The following PIEZO2 variants were observed in gnomAD, a reference collection of about 807,000 sequenced individuals.
PIEZO2 encodes piezo type mechanosensitive ion channel component 2.
PIEZO2 carries 172 observed loss-of-function variants against 337.3 expected under a neutral mutation model. The ratio of observed to expected loss-of-function variants is 0.51; its 90% CI spans 0.45 to 0.58. PIEZO2 has a LOEUF of 0.58. PIEZO2 is among the 20% of genes least tolerant of loss of function. The pLI, the probability that PIEZO2 is intolerant of heterozygous loss-of-function variation, is 0.00. For missense variants in PIEZO2, 3,028 were observed against 3,391.3 expected (o/e 0.89, Z 2.66); for synonymous variants, 1,251 against 1,228.5 (o/e 1.02, Z -0.38).
chr18:11,065,650 A>C (rs1452716566), intron 2 of PIEZO2, among the ~76,000 whole-genome samples: 1 of 152,220 alleles, frequency 6.6e-6, no homozygotes, highest in Non-Finnish European at 1.5e-5. Flanking sequence ...CATATTTAAG[A>C]AACCTCAACT....
chr18:10,794,891 T>C lies in PIEZO2; in HGVS notation c.1639A>G (p.Met547Val). 6.5e-7 allele frequency: 1 copy of C among 1,539,564 alleles called. No individual in the cohort carries two copies. ...AACAATAGGTTTCCATAAACCACCA[T>C]GAAGGGAGAGCTGATCATGGCATAT... ...RKYAMISSPF[M>V]VVYGNLLLIL... The change falls in exon 13 of 56, where the codon ATG becomes GTG. Residue 547 changes from methionine to valine, a missense_variant. Physicochemically the swap from Met to Val is conservative, Grantham distance 21. Around this residue, in one of 5 missense-constraint regions of PIEZO2, gnomAD observed 50 missense variants for 88.2 expected, o/e 0.57. Coordinates refer to ENST00000674853, the MANE Select transcript of PIEZO2 (RefSeq NM_001378183.1). This position sits in a 1 kb window ranked among gnomAD's most constrained non-coding sequence, Gnocchi z 6.6.
At chr18:11,040,673 A>C (rs1205862650) in intron 2 of PIEZO2, among the ~76,000 whole-genome samples, 1 of 152,118 alleles carries the variant, frequency 6.6e-6, no homozygotes, top group Non-Finnish European at 1.5e-5. Flanking sequence ...CTCTTTCTGA[A>C]ATCATTCCTC....
Position 11,099,893 on chromosome 18 carries a change from AGTT to A in PIEZO2, c.65-33674_65-33672del, listed in dbSNP as rs1278694286. ...GGTTATTTCTCTTTTATTCCAGCTG[AGTT>A]GTTATAATCTCTTATGTATCATAGA... On this transcript the variant is annotated intron_variant, in intron 1 of 55. Coordinates refer to ENST00000674853, the MANE Select transcript of PIEZO2 (RefSeq NM_001378183.1). This position sits in a 1 kb window ranked among gnomAD's most constrained non-coding sequence, Gnocchi z 5.4. Among the ~76,000 whole-genome samples the A allele has an allele frequency of 1.3e-5, 2 of 151,832 alleles. No individual in the cohort carries two copies. The highest frequency in any genetic ancestry group is 4.8e-5 in the African/African-American group (2 of 41,312).
At chr18:10,848,129 C>T (rs1455716429) in intron 7 of PIEZO2, among the ~76,000 whole-genome samples, 1 of 152,214 alleles carries the variant, frequency 6.6e-6, no homozygotes, top group Non-Finnish European at 1.5e-5. Flanking sequence ...ATTTCAATAA[C>T]CGGATTATGT....
At chr18:10,986,329 G>A (rs1327069228) in intron 2 of PIEZO2, among the ~76,000 whole-genome samples, 1 of 151,950 alleles carries the variant, frequency 6.6e-6, no homozygotes, top group African/African-American at 2.4e-5. Context: ...AGAGGTAACA[G>A]TCCTCAACAA....
At chr18:10,720,311 GTATA>G (rs1226439947) in intron 36 of PIEZO2, among the ~76,000 whole-genome samples, 3 of 119,638 alleles carry the variant, frequency 2.5e-5, no homozygotes, top group African/African-American at 1.1e-4. Context: ...CTCTCTGTGT[GTATA>G]TATATATATA....
rs1421196964 is a variant in PIEZO2, at chr18:10,672,880, G to A, written c.8162-7C>T. The stretch of plus-strand genomic sequence containing the variant: ...ATATCCATGAAATTATTTTCTAGAA[G>A]GGTAGAAATGCAAAATTAAGTTGAC... On this transcript the variant is annotated splice_region_variant and splice_polypyrimidine_tract_variant and intron_variant, in intron 54 of 55. Coordinates refer to ENST00000674853, the MANE Select transcript of PIEZO2 (RefSeq NM_001378183.1). This position sits in a 1 kb window ranked among gnomAD's most constrained non-coding sequence, Gnocchi z 4.7. 4 of 1,583,320 alleles carry A rather than the reference G, an allele frequency of 2.5e-6. No homozygotes were observed. Among genetic ancestry groups the A allele is most frequent in the Admixed American group, 3.7e-5 (2 of 53,904 alleles).
chr18:10,684,201 T>C (rs1435773787), intron 49 of PIEZO2, among the ~76,000 whole-genome samples: 3 of 117,026 alleles, frequency 2.6e-5, no homozygotes, highest in African/African-American at 6.3e-5. Flanking sequence ...AGTCTTGCTC[T>C]GTCGCCCAGG....
rs1037234026 is a variant in PIEZO2, at chr18:10,863,622, C to T, written c.493-6411G>A. 3.3e-5 allele frequency among the ~76,000 whole-genome samples: 5 copies of T among 152,190 alleles called. No individual in the cohort carries two copies. The East Asian group carries it at 7.7e-4, about 23-fold the overall frequency. On this transcript the variant is annotated intron_variant, in intron 5 of 55. Transcript: ENST00000674853. This position sits in a 1 kb window ranked among gnomAD's most constrained non-coding sequence, Gnocchi z 4.3. ...AATTCCTACCACATGTACTCCCCTA[C>T]CCCTAGGATTCTGACTTCATAGGTC... is the stretch of plus-strand genomic sequence containing the variant.
intron 18 of PIEZO2, among the ~76,000 whole-genome samples, chr18:10,774,580 A>G (rs1251560802): frequency 1.3e-5 from 2 of 152,162 alleles, no homozygotes; most frequent in Non-Finnish European, 2.9e-5. Context: ...CCAGAGAAAG[A>G]ATACAGGGAG....
At position 10,870,966 on chromosome 18, in the gene PIEZO2, AG is replaced by A. The variant is rs1308669340; in HGVS notation, c.492+286del. Among the ~76,000 whole-genome samples, 2 of 152,108 alleles carry A rather than the reference AG, an allele frequency of 1.3e-5. No homozygotes were observed. The highest frequency in any genetic ancestry group is 2.9e-5 in the Non-Finnish European group (2 of 68,026). ...ACACTATGTATGACCTTGCACGGTT[AG>A]CCTCCGAGATAATATCACGTGATAG... On this transcript the variant is annotated intron_variant, in intron 5 of 55. Coordinates refer to ENST00000674853, the MANE Select transcript of PIEZO2 (RefSeq NM_001378183.1). The surrounding 1 kb of genome is among the most constrained non-coding windows in gnomAD (Gnocchi z 5.3).
intron 4 of PIEZO2, among the ~76,000 whole-genome samples, chr18:10,882,969 G>C (rs1272253624): frequency 2.0e-5 from 3 of 150,528 alleles, no homozygotes; most frequent in Non-Finnish European, 4.4e-5. Flanking sequence ...TTCCTGAGTA[G>C]CTGGAACAAC....
chr18:10,934,791 G>A (rs1042642674), intron 3 of PIEZO2, among the ~76,000 whole-genome samples: 1 of 151,988 alleles, frequency 6.6e-6, no homozygotes, highest in East Asian at 1.9e-4. Context: ...TGACCCAGCA[G>A]GATAATTTCA....
chr18:10,754,921 A>G (rs1402877209), intron 27 of PIEZO2, among the ~76,000 whole-genome samples: 3 of 151,996 alleles, frequency 2.0e-5, no homozygotes, highest in Non-Finnish European at 4.4e-5. Context: ...CATCTCTACA[A>G]CAGGGATAAC....
chr18:10,752,489 A>T, intron 28 of PIEZO2, 147 bp downstream of exon 28: 1 of 1,035,320 alleles, frequency 9.7e-7, no homozygotes, highest in Non-Finnish European at 1.4e-6. Context: ...GAGAGAAATA[A>T]ATGGTTTTTG....
chr18:11,118,630 A>T (rs1241280514), intron 1 of PIEZO2, among the ~76,000 whole-genome samples: 1 of 152,228 alleles, frequency 6.6e-6, no homozygotes, highest in East Asian at 1.9e-4. Context: ...ACATGCCCTG[A>T]TTTATTGAAA....
chr18:11,014,566 A>G (rs1328850120), intron 2 of PIEZO2, among the ~76,000 whole-genome samples: 3 of 127,678 alleles, frequency 2.3e-5, no homozygotes, highest in East Asian at 5.9e-4. Flanking sequence ...TCAGTGGGGA[A>G]CATGTCACCC....
In PIEZO2 at chr18:11,031,873, A is replaced by G. The variant is rs983820404; in HGVS notation, c.160+34254T>C. 6.6e-6 allele frequency among the ~76,000 whole-genome samples: 1 copy of G among 152,202 alleles called. No homozygotes were observed. The highest frequency in any genetic ancestry group is 1.5e-5 in the Non-Finnish European group (1 of 68,028). On this transcript the variant is annotated intron_variant, in intron 2 of 55. Transcript: ENST00000674853. The surrounding 1 kb of genome is among the most constrained non-coding windows in gnomAD (Gnocchi z 4.7). ...GGTGTATTTTAATATTTTATAATCC[A>G]TTTGGCTGCTGAATATTAGCCCAAC...
Position 10,750,280 on chromosome 18 carries a change from G to A in PIEZO2, c.4168-93C>T. 1 of 904,352 alleles carries A rather than the reference G, an allele frequency of 1.1e-6. No homozygotes were observed. Among genetic ancestry groups the A allele is most frequent in the Non-Finnish European group, 1.7e-6 (1 of 575,352 alleles). 56.0% of individuals were successfully genotyped at this position (904,352 alleles called of 1,614,324 possible). ...CCCAACATGTGCAAGAATTCACAAG[G>A]TCTCAGTGATAAGGATTCCAGGAGA... On this transcript the variant is annotated intron_variant, in intron 28 of 55. Transcript: ENST00000674853. The surrounding 1 kb of genome is among the most constrained non-coding windows in gnomAD (Gnocchi z 4.1).
Sources: gnomAD v4.1 joint callset for allele counts (sites outside exome capture counted in the v4.1 genomes callset) on GRCh38, gnomAD v4.1.1 for gene constraint, gnomAD v4.1.1 regional missense constraint, Gnocchi (gnomAD v3.1) non-coding constraint, MANE v1.5 for transcripts, NCBI Gene and HGNC (gene_info 2026-07-23, HGNC 2026-07-21) for gene names.